The following ZNF292 variants were observed in gnomAD, a reference collection of about 807,000 sequenced individuals.
ZNF292 encodes 16 zinc-finger domain protein.
ZNF292 carries 26 observed loss-of-function variants against 217.9 expected under a neutral mutation model. The observed-to-expected ratio is 0.12, with a 90% CI of 0.09 to 0.17. ZNF292 has a LOEUF of 0.17. Among genes scored for constraint, ZNF292 ranks in the 10% least tolerant of loss-of-function variants. The pLI, the probability that ZNF292 is intolerant of heterozygous loss-of-function variation, is 1.00. For synonymous variants in ZNF292, 1,257 were observed against 1,124.1 expected, an observed-to-expected ratio of 1.12 and a Z score of -2.37; for missense variants, 2,904 against 3,175.2, an observed-to-expected ratio of 0.91 and a Z score of 2.05.
At position 87,155,627 on chromosome 6, in the gene ZNF292, T is replaced by G. The variant is rs1303017842; in HGVS notation, c.36T>G (p.Ser12Arg). 6.3e-7 allele frequency: 1 copy of G among 1,583,520 alleles called. No homozygotes were observed. Among genetic ancestry groups the G allele is most frequent in the Non-Finnish European group, 8.6e-7 (1 of 1,166,182 alleles). The part of the protein sequence containing the change: ...ADEEAEQERL[S>R]CGEGGCVAEL... ...AAGAGGCCGAGCAGGAGAGGTTGAG[T>G]TGCGGCGAAGGCGGCTGCGTCGCGG... The change falls in exon 1 of 8, where the codon AGT becomes AGG. Residue 12 changes from serine to arginine, a missense_variant. Transcript: ENST00000369577.
rs1775170046 is a variant in ZNF292 at position 87,255,640 on chromosome 6, C to G, written c.2011C>G (p.Pro671Ala). ...TAAATCCTATGAGCCAGAAGTGATT[C>G]CAGTCCAGAAACCAGTACCTGTTAA... is the stretch of plus-strand genomic sequence containing the variant. ...KDKSYEPEVI[P>A]VQKPVPVNEF... The change falls in exon 8 of 8, where the codon CCA (proline) becomes GCA (alanine). Residue 671 changes from proline (P) to alanine (A), a missense_variant. Transcript: ENST00000369577. The G allele has an allele frequency of 3.7e-6, 6 of 1,612,820 alleles. No individual in the cohort carries two copies. The highest frequency in any genetic ancestry group is 4.2e-6 in the Non-Finnish European group (5 of 1,179,342).
chr6:87,161,145 C>T (rs1449647620), intron 1 of ZNF292, among the ~76,000 whole-genome samples: 1 of 152,194 alleles, frequency 6.6e-6, no homozygotes, highest in African/African-American at 2.4e-5. Flanking sequence ...CAAGCAATTG[C>T]ATAAACAGTT....
At chr6:87,240,707 A>G (rs948627894) in intron 5 of ZNF292, among the ~76,000 whole-genome samples, 47 of 152,194 alleles carry the variant, frequency 3.1e-4, no homozygotes, top group African/African-American at 9.6e-4. Flanking sequence ...GGCGTGAGCC[A>G]CCGGGCCCAG....
chr6:87,234,237 G>A (rs16878736), intron 5 of ZNF292, among the ~76,000 whole-genome samples: 12,457 of 152,136 alleles, frequency 0.082, 868 homozygotes, highest in African/African-American at 0.19. Flanking sequence ...GAAACAGGGC[G>A]TGTATATTTA....
At position 87,255,380 on chromosome 6, in the gene ZNF292, T is replaced by C. The variant is rs1775152775; in HGVS notation, c.1751T>C (p.Phe584Ser). The change falls in exon 8 of 8, where the codon TTT becomes TCT. Residue 584 changes from phenylalanine to serine, a missense_variant. Coordinates refer to ENST00000369577, the MANE Select transcript of ZNF292 (RefSeq NM_015021.3). ...AAGAACTTTAATTCTAAAGAAACTT[T>C]TGTCCCTCATGTCACACTGCATGTT... ...CAKNFNSKET[F>S]VPHVTLHVKQ... 6.2e-7 allele frequency: 1 copy of C among 1,613,652 alleles called. No individual in the cohort carries two copies. Among genetic ancestry groups the C allele is most frequent in the African/African-American group, 1.3e-5 (1 of 74,920 alleles).
At chr6:87,195,555 T>G in intron 1 of ZNF292, among the ~76,000 whole-genome samples, 1 of 152,226 alleles carries the variant, frequency 6.6e-6, no homozygotes, top group South Asian at 2.1e-4. Context: ...AAAGCAATTT[T>G]AATACTTTAT....
At chr6:87,196,966 A>C (rs1771967973) in intron 1 of ZNF292, among the ~76,000 whole-genome samples, 1 of 152,226 alleles carries the variant, frequency 6.6e-6, no homozygotes, top group Non-Finnish European at 1.5e-5. Context: ...ACAAAAGGTA[A>C]ATTTCTGTAA....
chr6:87,228,766 T>G lies in ZNF292; in HGVS notation c.539-4559T>G, dbSNP rs373634240. Among the ~76,000 whole-genome samples the G allele has an allele frequency of 1.5e-3, 222 of 152,300 alleles. 9 individuals carry two copies. The South Asian group carries it at 0.044, about 30-fold the overall frequency. On this transcript the variant is annotated intron_variant, in intron 4 of 7. Transcript: ENST00000369577. The stretch of plus-strand genomic sequence containing the variant: ...ATGATAGGGTTTATTTCTGGACTCT[T>G]TTCTATTGCATTGGTCCACATGTCT...
intron 1 of ZNF292, among the ~76,000 whole-genome samples, chr6:87,188,182 TAGTG>T (rs1460174913): frequency 2.0e-5 from 3 of 152,216 alleles, no homozygotes; most frequent in South Asian, 2.1e-4. Context: ...AACTCTCTGA[TAGTG>T]AGTTTTGATT....
chr6:87,253,201 A>G (rs958278115), intron 7 of ZNF292, among the ~76,000 whole-genome samples: 2 of 145,594 alleles, frequency 1.4e-5, no homozygotes, highest in Admixed American at 7.0e-5. Context: ...CGCATAAACC[A>G]TGAGCCACCA....
chr6:87,257,941 C>G lies in ZNF292; in HGVS notation c.4312C>G (p.Gln1438Glu), dbSNP rs1251683829. ...STNAVNLQQP[Q>E]QSTFNPEACF... Reference sequence around the variant, plus strand: ...AAATGCAGTAAATTTGCAGCAGCCACAACAATCTACCTTCAATCCAGAAGC... The same window carrying G: ...AAATGCAGTAAATTTGCAGCAGCCAGAACAATCTACCTTCAATCCAGAAGC... The change falls in exon 8 of 8, where the codon CAA (glutamine) becomes GAA (glutamate). Residue 1438 changes from glutamine (Q) to glutamate (E), a missense_variant. Gln to Glu is a conservative substitution (Grantham distance 29). Coordinates refer to ENST00000369577, the MANE Select transcript of ZNF292 (RefSeq NM_015021.3). 1 of 1,613,804 alleles carries G rather than the reference C, an allele frequency of 6.2e-7. No homozygotes were observed. Among genetic ancestry groups the G allele is most frequent in the African/African-American group, 1.3e-5 (1 of 74,914 alleles).
intron 4 of ZNF292, among the ~76,000 whole-genome samples, chr6:87,230,976 G>A (rs576162697): frequency 1.2e-4 from 18 of 152,104 alleles, no homozygotes; most frequent in Non-Finnish European, 2.5e-4. Flanking sequence ...GGATGCTAGT[G>A]GGAAAAGCAG....
At chr6:87,195,125 A>T (rs1314738447) in intron 1 of ZNF292, among the ~76,000 whole-genome samples, 1 of 152,246 alleles carries the variant, frequency 6.6e-6, no homozygotes, top group Non-Finnish European at 1.5e-5. Context: ...GGTTACAGAT[A>T]GGCATCCCTG....
At chr6:87,168,425 G>A (rs1487842444) in intron 1 of ZNF292, among the ~76,000 whole-genome samples, 2 of 152,134 alleles carry the variant, frequency 1.3e-5, no homozygotes, top group Non-Finnish European at 2.9e-5. Context: ...GGAACATTTG[G>A]CATCCTTATT....
At position 87,204,770 on chromosome 6, in the gene ZNF292, G is replaced by A. The variant is rs187796933; in HGVS notation, c.169-11133G>A. 2.5e-4 allele frequency among the ~76,000 whole-genome samples: 38 copies of A among 151,712 alleles called. No individual in the cohort carries two copies. The East Asian group carries it at 7.2e-3, about 29-fold the overall frequency. ...GTAGAGACTGGGTTTCACCATGTTG[G>A]CCAGGCTGGTCTCGAACACCTGACC... is the stretch of plus-strand genomic sequence containing the variant. On this transcript the variant is annotated intron_variant, in intron 1 of 7. Coordinates refer to ENST00000369577, the MANE Select transcript of ZNF292 (RefSeq NM_015021.3).
chr6:87,186,847 T>C lies in ZNF292; in HGVS notation c.169-29056T>C, dbSNP rs116350208. ...TCAGTTGCTGCTGTGTCCAGTCTTT[T>C]GTTATAGTTGTTCCTGTATTCCAGA... On this transcript the variant is annotated intron_variant, in intron 1 of 7. Transcript: ENST00000369577. 3.3e-3 allele frequency among the ~76,000 whole-genome samples: 501 copies of C among 152,338 alleles called. 2 individuals are homozygous for C. Among genetic ancestry groups the C allele is most frequent in the African/African-American group, 0.012 (483 of 41,584 alleles).
intron 6 of ZNF292, 114 bp from the exon 7 acceptor site, chr6:87,245,389 A>G (rs575001295): frequency 1.7e-4 from 111 of 641,472 alleles, no homozygotes; most frequent in African/African-American, 1.7e-3. Context: ...TTAAGCATGC[A>G]TATAGGATTG....
At chr6:87,215,619 C>A (rs552043643) in intron 1 of ZNF292, among the ~76,000 whole-genome samples, 1 of 152,174 alleles carries the variant, frequency 6.6e-6, no homozygotes, top group South Asian at 2.1e-4. Flanking sequence ...ACTTTTAAAA[C>A]TTACTAGGGA....
At chr6:87,204,855 C>G (rs1387291796) in intron 1 of ZNF292, among the ~76,000 whole-genome samples, 1 of 151,996 alleles carries the variant, frequency 6.6e-6, no homozygotes, top group African/African-American at 2.4e-5. Context: ...TGAACCACTG[C>G]GCCTGGCCAC....
Sources: gnomAD v4.1 joint callset for allele counts (sites outside exome capture counted in the v4.1 genomes callset) on GRCh38, gnomAD v4.1.1 for gene constraint, MANE v1.5 for transcripts, NCBI Gene and HGNC (gene_info 2026-07-23, HGNC 2026-07-21) for gene names.